Variants in FGF7 observed in about 807,000 individuals in gnomAD.
FGF7 encodes the protein fibroblast growth factor 7.
Under a neutral mutation model 20.5 loss-of-function variants are expected in FGF7, and 6 were observed. That is an observed-to-expected ratio of 0.29 (90% CI 0.16 to 0.58). The LOEUF (loss-of-function observed/expected upper bound fraction) is 0.58, where lower values mean the gene tolerates loss of function less well. Among genes scored for constraint, FGF7 ranks in the 20% least tolerant of loss-of-function variants. FGF7 has a pLI of 0.90. For missense variants in FGF7, 144 were observed against 228.8 expected (o/e 0.63, Z 2.39); for synonymous variants, 64 against 74.7 (o/e 0.86, Z 0.74).
intron 2 of FGF7, among the ~76,000 whole-genome samples, chr15:49,476,558 G>T (rs916079165): frequency 2.0e-5 from 3 of 151,686 alleles, no homozygotes; most frequent in Admixed American, 6.6e-5. Context: ...TATCCATTGG[G>T]TAAGAAGATC....
intron 2 of FGF7, among the ~76,000 whole-genome samples, chr15:49,429,895 A>T (rs2050445720): frequency 6.6e-6 from 1 of 151,914 alleles, no homozygotes; most frequent in Non-Finnish European, 1.5e-5. Flanking sequence ...TTCTCCAATG[A>T]TTCTAAAGTG....
chr15:49,440,125 C>T (rs900201580), intron 2 of FGF7, among the ~76,000 whole-genome samples: 3 of 151,724 alleles, frequency 2.0e-5, no homozygotes, highest in African/African-American at 7.3e-5. Flanking sequence ...GAATTAGTGG[C>T]AGTGGTGGTT....
At chr15:49,441,764 C>T (rs2051671071) in intron 2 of FGF7, among the ~76,000 whole-genome samples, 1 of 150,930 alleles carries the variant, frequency 6.6e-6, no homozygotes, top group Admixed American at 6.6e-5. Flanking sequence ...AATTATTATT[C>T]TTAATAGCAG....
chr15:49,452,484 G>A (rs1314556296), intron 2 of FGF7, among the ~76,000 whole-genome samples: 1 of 152,130 alleles, frequency 6.6e-6, no homozygotes, highest in Non-Finnish European at 1.5e-5. Flanking sequence ...TAAGTAAAAA[G>A]CTGCCAGAGA....
intron 2 of FGF7, among the ~76,000 whole-genome samples, chr15:49,431,127 G>A (rs907406834): frequency 1.3e-5 from 2 of 151,612 alleles, no homozygotes; most frequent in African/African-American, 4.8e-5. Context: ...GTATACTTAA[G>A]TAATATGGAG....
intron 2 of FGF7, among the ~76,000 whole-genome samples, chr15:49,437,519 A>AT (rs1191627283): frequency 1.3e-5 from 2 of 151,534 alleles, no homozygotes; most frequent in East Asian, 1.9e-4. Flanking sequence ...TATTTTAAGG[A>AT]TTTTTTTGGG....
chr15:49,478,459 T>C (rs1298758354), intron 2 of FGF7, among the ~76,000 whole-genome samples: 5 of 152,128 alleles, frequency 3.3e-5, no homozygotes, highest in African/African-American at 1.2e-4. Flanking sequence ...ATCTATAGCC[T>C]TAAACATAAT....
At chr15:49,452,530 T>A (rs2052855666) in intron 2 of FGF7, among the ~76,000 whole-genome samples, 1 of 152,172 alleles carries the variant, frequency 6.6e-6, no homozygotes, top group Non-Finnish European at 1.5e-5. Flanking sequence ...CATAAAAAGA[T>A]CTATGCAGAT....
rs2056111296 is a variant in FGF7 at position 49,483,217 on chromosome 15, A to C, written c.353A>C (p.Tyr118Ser). The change falls in exon 3 of 4, where the codon TAT (tyrosine) becomes TCT (serine). Residue 118 changes from tyrosine to serine, a missense_variant. Tyr to Ser is a moderately radical substitution (Grantham distance 144). This residue lies in a region of FGF7 where 56 missense variants were observed against 125.4 expected (regional missense o/e 0.45). Coordinates refer to ENST00000267843, the MANE Select transcript of FGF7 (RefSeq NM_002009.4). The stretch of plus-strand genomic sequence containing the variant: ...ATCAAAGGGGTGGAAAGTGAATTCT[A>C]TCTTGCAATGAACAAGGAAGGAAAA... ...VAIKGVESEF[Y>S]LAMNKEGKLY... 1.3e-6 allele frequency: 2 copies of C among 1,589,846 alleles called. No individual in the cohort carries two copies. The highest frequency in any genetic ancestry group is 1.7e-6 in the Non-Finnish European group (2 of 1,173,890).
intron 2 of FGF7, among the ~76,000 whole-genome samples, chr15:49,463,064 T>C (rs950696398): frequency 2.6e-5 from 4 of 152,206 alleles, no homozygotes; most frequent in Non-Finnish European, 5.9e-5. Context: ...TATGGAAATA[T>C]AACCTGTTTG....
intron 2 of FGF7, among the ~76,000 whole-genome samples, chr15:49,425,945 C>T (rs1441393411): frequency 6.6e-6 from 1 of 151,378 alleles, no homozygotes; most frequent in East Asian, 1.9e-4. Flanking sequence ...ATATAAGCAA[C>T]AGAATTTGGC....
rs938447012 is a variant in FGF7, at chr15:49,430,096, C to T, written c.286+5513C>T. On this transcript the variant is annotated intron_variant, in intron 2 of 3. Coordinates refer to ENST00000267843, the MANE Select transcript of FGF7 (RefSeq NM_002009.4). The stretch of plus-strand genomic sequence containing the variant: ...TGCACCAAGAGGGTTCTTCTGGGCT[C>T]ATCTGACCTCTCTGACAAATCTTAG... Among the ~76,000 whole-genome samples the T allele has an allele frequency of 2.0e-5, 3 of 151,872 alleles. No homozygotes were observed. The South Asian group carries it at 6.2e-4, about 31-fold the overall frequency.
At chr15:49,426,756 A>T (rs1156637685) in intron 2 of FGF7, among the ~76,000 whole-genome samples, 4 of 151,976 alleles carry the variant, frequency 2.6e-5, no homozygotes, top group African/African-American at 9.7e-5. Context: ...TATTGTTATA[A>T]ATTAGAATGT....
Position 49,475,490 on chromosome 15 carries a change from T to G in FGF7, c.287-7661T>G, listed in dbSNP as rs2151982645. Among the ~76,000 whole-genome samples the G allele has an allele frequency of 2.0e-5, 3 of 152,290 alleles. No homozygotes were observed. In the East Asian group the frequency reaches 5.8e-4, roughly 29 times the overall value. Reference sequence around the variant, plus strand: ...GGAGCCTGTGAAAATTTCAAAGGCTTGCAAATGTATTTAAACTTTAATATT... The same window carrying G: ...GGAGCCTGTGAAAATTTCAAAGGCTGGCAAATGTATTTAAACTTTAATATT... On this transcript the variant is annotated intron_variant, in intron 2 of 3. Transcript: ENST00000267843.
intron 2 of FGF7, among the ~76,000 whole-genome samples, chr15:49,481,665 C>T (rs537927920): frequency 1.2e-3 from 179 of 152,232 alleles, no homozygotes; most frequent in African/African-American, 4.2e-3. Context: ...CTTCTGGTGT[C>T]AGAAACCAGG....
At chr15:49,456,023 T>C (rs1236427227) in intron 2 of FGF7, among the ~76,000 whole-genome samples, 1 of 152,152 alleles carries the variant, frequency 6.6e-6, no homozygotes, top group African/African-American at 2.4e-5. Flanking sequence ...CAACATGCTG[T>C]TACATGCTTT....
chr15:49,477,540 T>A (rs2055456859), intron 2 of FGF7, among the ~76,000 whole-genome samples: 1 of 152,220 alleles, frequency 6.6e-6, no homozygotes, highest in South Asian at 2.1e-4. Context: ...TAAATAATAT[T>A]CCAGTGTATA....
intron 2 of FGF7, among the ~76,000 whole-genome samples, chr15:49,474,021 T>C (rs1195070522): frequency 6.6e-6 from 1 of 152,150 alleles, no homozygotes; most frequent in Non-Finnish European, 1.5e-5. Flanking sequence ...TTGAAAAATA[T>C]ACTAACCTAA....
intron 2 of FGF7, among the ~76,000 whole-genome samples, chr15:49,453,296 AT>A (rs2052948512): frequency 6.6e-6 from 1 of 151,920 alleles, no homozygotes; most frequent in African/African-American, 2.4e-5. Flanking sequence ...TTAAGATGGG[AT>A]TTCACCATGT....
Sources: gnomAD v4.1 joint callset for allele counts (sites outside exome capture counted in the v4.1 genomes callset) on GRCh38, gnomAD v4.1.1 for gene constraint, gnomAD v4.1.1 regional missense constraint, MANE v1.5 for transcripts, NCBI Gene and HGNC (gene_info 2026-07-23, HGNC 2026-07-21) for gene names.